The following SMOC2 variants were observed in gnomAD, a reference collection of about 807,000 sequenced individuals.
SMOC2 encodes SPARC-related modular calcium-binding protein 2.
In SMOC2, 39 loss-of-function variants were observed where a neutral mutation model predicts 61.4. That is an observed-to-expected ratio of 0.64 (90% CI 0.49 to 0.83). The LOEUF (loss-of-function observed/expected upper bound fraction) is 0.83. SMOC2 is among the 40% of genes least tolerant of loss of function. The probability of loss-of-function intolerance (pLI) is 0.00; values close to 1 mark genes in which losing one functional copy is unlikely to be tolerated. For synonymous variants in SMOC2, 247 were observed against 239.9 expected (o/e 1.03, Z -0.27); for missense variants, 556 against 592.9 (o/e 0.94, Z 0.65).
At chr6:168,441,505 G>T (rs1321047564) in intron 1 of SMOC2, 51 bp downstream of exon 1, 5 of 1,448,966 alleles carry the variant, frequency 3.5e-6, no homozygotes, top group Non-Finnish European at 4.5e-6. Flanking sequence ...GCCTCTTGCA[G>T]CCGGCCGGGT....
At chr6:168,489,974 T>G (rs1042996805) in intron 1 of SMOC2, among the ~76,000 whole-genome samples, 2 of 151,698 alleles carry the variant, frequency 1.3e-5, no homozygotes, top group African/African-American at 4.9e-5. Flanking sequence ...TCACACTGTT[T>G]TAGAGGGAAA....
chr6:168,613,685 G>C lies in SMOC2; in HGVS notation c.907+5446G>C, dbSNP rs532621677. On this transcript the variant is annotated intron_variant, in intron 9 of 12. Coordinates refer to ENST00000356284, the MANE Select transcript of SMOC2 (RefSeq NM_001166412.2). ...CCTCTTCACACCTACAGCCAGCACA[G>C]GGCCTCTTCACACCTACAGCCAGCA... 2.2e-5 allele frequency among the ~76,000 whole-genome samples: 3 copies of C among 135,892 alleles called. No individual in the cohort carries two copies. In the South Asian group the frequency reaches 7.6e-4, roughly 34 times the overall value. The allele number at this position is 135,892 out of a possible 152,430, so 89.2% of individuals were successfully genotyped here.
At chr6:168,511,301 A>G (rs557285730) in intron 2 of SMOC2, among the ~76,000 whole-genome samples, 1 of 152,324 alleles carries the variant, frequency 6.6e-6, no homozygotes, top group East Asian at 1.9e-4. Flanking sequence ...AGTTCTGCAC[A>G]GCTGGGGAGG....
At chr6:168,604,769 G>T (rs137954814) in intron 8 of SMOC2, among the ~76,000 whole-genome samples, 2 of 152,172 alleles carry the variant, frequency 1.3e-5, no homozygotes, top group African/African-American at 4.8e-5. Context: ...ATTAAAAGGC[G>T]TTAGTTTTGT....
At chr6:168,621,894 CAG>C (rs778855002) in intron 9 of SMOC2, among the ~76,000 whole-genome samples, 5 of 152,146 alleles carry the variant, frequency 3.3e-5, no homozygotes, top group African/African-American at 4.8e-5. Flanking sequence ...TTGCGTTACA[CAG>C]GGGTAAAATT....
At chr6:168,555,795 G>A (rs1251957598) in intron 7 of SMOC2, among the ~76,000 whole-genome samples, 1 of 152,162 alleles carries the variant, frequency 6.6e-6, no homozygotes, top group East Asian at 1.9e-4. Context: ...GGACCGTCGA[G>A]CTTGATCCTC....
intron 1 of SMOC2, among the ~76,000 whole-genome samples, chr6:168,497,649 A>G (rs1782624158): frequency 6.6e-6 from 1 of 152,148 alleles, no homozygotes; most frequent in Admixed American, 6.5e-5. Flanking sequence ...CATGGGACCA[A>G]TCCCCGTTAG....
In SMOC2 at chr6:168,509,974, C is replaced by G; in HGVS notation, c.144C>G (p.Pro48=). 6.2e-7 allele frequency: 1 copy of G among 1,614,144 alleles called. No homozygotes were observed. Among genetic ancestry groups the G allele is most frequent in the Non-Finnish European group, 8.5e-7 (1 of 1,180,008 alleles). ...GTAGCTTGGACTGTGCGGGTTCGCC[C>G]CAGAAACCTCTCTGCGCATCTGACG... The part of the protein sequence containing the change: ...KDCSLDCAGS[P]QKPLCASDGR... Residue 48 remains proline (P), a synonymous_variant, in exon 2 of 13, where the codon CCC becomes CCG. Coordinates refer to ENST00000356284, the MANE Select transcript of SMOC2 (RefSeq NM_001166412.2).
chr6:168,659,582 G>GATA (rs1787430161), intron 11 of SMOC2, among the ~76,000 whole-genome samples: 2 of 150,106 alleles, frequency 1.3e-5, no homozygotes, highest in Non-Finnish European at 3.0e-5. Flanking sequence ...GAGTCAGGGT[G>GATA]GAGGTTGTAG....
At chr6:168,655,924 T>A (rs192769945) in intron 11 of SMOC2, among the ~76,000 whole-genome samples, 1 of 151,826 alleles carries the variant, frequency 6.6e-6, no homozygotes, top group Admixed American at 6.6e-5. Context: ...ATGTACTGGA[T>A]CCCACTGCGC....
intron 8 of SMOC2, among the ~76,000 whole-genome samples, chr6:168,602,424 C>T (rs1336093903): frequency 2.0e-5 from 3 of 152,106 alleles, no homozygotes; most frequent in Admixed American, 6.6e-5. Flanking sequence ...AATGTATTTT[C>T]GAGAAAGAGT....
intron 8 of SMOC2, among the ~76,000 whole-genome samples, chr6:168,600,422 CAAAAAA>C (rs1299567047): frequency 3.9e-5 from 1 of 25,956 alleles, no homozygotes; most frequent in African/African-American, 1.1e-4. Flanking sequence ...AAAAAAAAAA[CAAAAAA>C]AAAAACAAAA....
chr6:168,452,710 A>G lies in SMOC2; in HGVS notation c.84+11256A>G, dbSNP rs1781491889. The stretch of plus-strand genomic sequence containing the variant: ...TAGCAGCTGTCATTTAGATTTGTAC[A>G]CCATTCCTAGTCCCTTCCCTCATTT... On this transcript the variant is annotated intron_variant, in intron 1 of 12. Transcript: ENST00000356284. This position sits in a 1 kb window ranked among gnomAD's most constrained non-coding sequence, Gnocchi z 5.0. 6.6e-6 allele frequency among the ~76,000 whole-genome samples: 1 copy of G among 152,222 alleles called. No homozygotes were observed. The highest frequency in any genetic ancestry group is 2.4e-5 in the African/African-American group (1 of 41,456).
chr6:168,626,510 C>T (rs1367083261), intron 9 of SMOC2, among the ~76,000 whole-genome samples: 2 of 152,184 alleles, frequency 1.3e-5, no homozygotes, highest in Admixed American at 6.5e-5. Context: ...GTGGCGATTC[C>T]GCAGACAGGC....
chr6:168,477,599 G>A (rs1232944905), intron 1 of SMOC2, among the ~76,000 whole-genome samples: 2 of 152,310 alleles, frequency 1.3e-5, no homozygotes, highest in South Asian at 2.1e-4. Flanking sequence ...GGAAAATGAT[G>A]ATGGAGCAAG....
intron 2 of SMOC2, among the ~76,000 whole-genome samples, chr6:168,514,210 G>C (rs556104580): frequency 2.9e-4 from 44 of 152,286 alleles, no homozygotes; most frequent in Admixed American, 2.5e-3. Context: ...TTGGAGACCA[G>C]CTACTCCTTT....
At chr6:168,566,644 G>A (rs906926026) in intron 7 of SMOC2, among the ~76,000 whole-genome samples, 1 of 151,944 alleles carries the variant, frequency 6.6e-6, no homozygotes, top group Admixed American at 6.6e-5. Context: ...ACCACACCCG[G>A]CCAATTTTTT....
intron 8 of SMOC2, among the ~76,000 whole-genome samples, 173 bp downstream of exon 8, chr6:168,599,177 ACACC>A (rs1200542660): frequency 2.9e-4 from 31 of 108,300 alleles, no homozygotes; most frequent in African/African-American, 1.0e-3. Flanking sequence ...GCTCTCACAC[ACACC>A]CACACACACT....
intron 7 of SMOC2, among the ~76,000 whole-genome samples, chr6:168,568,352 C>T (rs139087479): frequency 4.5e-4 from 68 of 152,284 alleles, no homozygotes; most frequent in African/African-American, 1.4e-3. Flanking sequence ...ATGCAGAAAG[C>T]GCAGAGTTTC....
Sources: allele counts gnomAD v4.1 joint callset (sites outside exome capture counted in the v4.1 genomes callset), GRCh38; gene constraint gnomAD v4.1.1; non-coding constraint Gnocchi (gnomAD v3.1); transcripts MANE v1.5; gene names NCBI Gene and HGNC (gene_info 2026-07-23, HGNC 2026-07-21).